The following GPC6 variants were observed in gnomAD, a reference collection of about 807,000 sequenced individuals.
GPC6 encodes glypican 6.
GPC6 carries 14 observed loss-of-function variants against 55.2 expected under a neutral mutation model. That is an observed-to-expected ratio of 0.25 (90% CI 0.17 to 0.40). The LOEUF is 0.40. Ranked by LOEUF, GPC6 falls within the 10% of genes least tolerant of loss-of-function variation. The probability of loss-of-function intolerance (pLI) is 1.00; values close to 1 mark genes in which losing one functional copy is unlikely to be tolerated. For missense variants in GPC6, 641 were observed against 708.5 expected (o/e 0.90, Z 1.08); for synonymous variants, 278 against 259.6 (o/e 1.07, Z -0.68).
intron 1 of GPC6, among the ~76,000 whole-genome samples, chr13:93,260,647 C>T (rs1328370): frequency 0.17 from 25,143 of 151,896 alleles, 2,273 homozygotes; most frequent in Middle Eastern, 0.25. Context: ...GAAGCATTAT[C>T]CTAGATGGGA....
At chr13:93,882,347 A>T (rs992431122) in intron 3 of GPC6, among the ~76,000 whole-genome samples, 2 of 151,698 alleles carry the variant, frequency 1.3e-5, no homozygotes, top group African/African-American at 2.4e-5. Context: ...GGGTTTCTCC[A>T]TGTTGCCCAG....
At chr13:93,530,631 A>G (rs1000910747) in intron 1 of GPC6, among the ~76,000 whole-genome samples, 13 of 152,302 alleles carry the variant, frequency 8.5e-5, no homozygotes, top group African/African-American at 2.9e-4. Flanking sequence ...TTAAAATTTC[A>G]GGAATTTTTG....
chr13:93,671,389 C>T (rs1290698582), intron 2 of GPC6, among the ~76,000 whole-genome samples: 1 of 152,042 alleles, frequency 6.6e-6, no homozygotes, highest in African/African-American at 2.4e-5. Context: ...TGACCCCTGC[C>T]TTCTGGTTCA....
chr13:94,013,561 G>T (rs1882336915), intron 3 of GPC6, among the ~76,000 whole-genome samples: 1 of 152,142 alleles, frequency 6.6e-6, no homozygotes, highest in Non-Finnish European at 1.5e-5. Flanking sequence ...TGTTGGTCAG[G>T]CTGGTCTCGA....
At chr13:94,034,709 TTAA>T (rs1165843535) in intron 4 of GPC6, among the ~76,000 whole-genome samples, 1 of 152,064 alleles carries the variant, frequency 6.6e-6, no homozygotes, top group East Asian at 1.9e-4. Context: ...TTCTATGCAA[TTAA>T]TAATAGTAAT....
At position 94,133,267 on chromosome 13, in the gene GPC6, C is replaced by CAAA. The variant is rs66499161; in HGVS notation, c.877+105396_877+105398dup. ...CCACCATACAGGTACTGACCAGTGA[C>CAAA]AAAAAAAAAAAAAAAAAAAAAAAAA... On this transcript the variant is annotated intron_variant, in intron 4 of 8. Coordinates refer to ENST00000377047, the MANE Select transcript of GPC6 (RefSeq NM_005708.5). 7.6e-4 allele frequency among the ~76,000 whole-genome samples: 65 copies of CAAA among 85,076 alleles called. 1 individual carries two copies. Among genetic ancestry groups the CAAA allele is most frequent in the African/African-American group, 2.3e-3 (47 of 20,068 alleles). 55.8% of individuals were successfully genotyped at this position (85,076 alleles called of 152,430 possible). A position where few individuals can be genotyped will look rare whatever the true frequency, so the allele number is the denominator to read the frequency against.
At chr13:94,279,627 A>G (rs191162911) in intron 4 of GPC6, among the ~76,000 whole-genome samples, 249 of 152,144 alleles carry the variant, frequency 1.6e-3, no homozygotes, top group Non-Finnish European at 3.1e-3. Flanking sequence ...TGTCCCAGAG[A>G]TTCTCGTATG....
chr13:93,657,786 G>A (rs1880744691), intron 2 of GPC6, among the ~76,000 whole-genome samples: 1 of 151,456 alleles, frequency 6.6e-6, no homozygotes, highest in African/African-American at 2.4e-5. Flanking sequence ...TAAAAAAATG[G>A]GCAAAGAACA....
At chr13:94,271,095 A>G (rs969156162) in intron 4 of GPC6, among the ~76,000 whole-genome samples, 2 of 140,612 alleles carry the variant, frequency 1.4e-5, no homozygotes, top group South Asian at 2.3e-4. Context: ...GGTTCATGCC[A>G]TTCTCCTGCC....
At chr13:93,509,298 T>C (rs1473509445) in intron 1 of GPC6, among the ~76,000 whole-genome samples, 2 of 152,220 alleles carry the variant, frequency 1.3e-5, no homozygotes, top group Non-Finnish European at 2.9e-5. Context: ...CAAAATGAAT[T>C]ACATTCTCCA....
At chr13:93,721,782 A>C (rs903880285) in intron 2 of GPC6, among the ~76,000 whole-genome samples, 1 of 151,824 alleles carries the variant, frequency 6.6e-6, no homozygotes, top group Admixed American at 6.6e-5. Context: ...TTAATAGTAT[A>C]CATGTATGTC....
chr13:93,678,378 C>T (rs575653944), intron 2 of GPC6, among the ~76,000 whole-genome samples: 4 of 152,272 alleles, frequency 2.6e-5, no homozygotes, highest in African/African-American at 9.6e-5. Context: ...CTATGATACA[C>T]AATGTTGTAT....
At chr13:93,643,502 A>G (rs1880047513) in intron 2 of GPC6, among the ~76,000 whole-genome samples, 2 of 152,150 alleles carry the variant, frequency 1.3e-5, no homozygotes, top group Non-Finnish European at 2.9e-5. Context: ...AGAGGTAGGC[A>G]GGTGTGGAAG....
intron 2 of GPC6, among the ~76,000 whole-genome samples, chr13:93,816,912 T>A (rs1184377922): frequency 6.6e-6 from 1 of 152,202 alleles, no homozygotes; most frequent in Non-Finnish European, 1.5e-5. Context: ...AAAAGTGGAT[T>A]TCATTTGAAT....
chr13:94,132,059 T>C lies in GPC6; in HGVS notation c.877+104165T>C, dbSNP rs183705895. On this transcript the variant is annotated intron_variant, in intron 4 of 8. Transcript: ENST00000377047. ...ACCTTGGAACCCTCCCTGGCTCCAT[T>C]TCCTGTCACACATCTGGAGAACACT... Among the ~76,000 whole-genome samples the C allele has an allele frequency of 9.9e-4, 151 of 152,184 alleles. 2 individuals carry two copies. Among genetic ancestry groups the C allele is most frequent in the African/African-American group, 3.3e-3 (137 of 41,532 alleles).
intron 3 of GPC6, among the ~76,000 whole-genome samples, chr13:93,973,099 G>A (rs992426639): frequency 3.3e-5 from 5 of 152,086 alleles, no homozygotes; most frequent in African/African-American, 9.7e-5. Flanking sequence ...GTGTCATTAG[G>A]TGATTTTGTC....
At chr13:94,366,788 A>T (rs1464026751) in intron 6 of GPC6, among the ~76,000 whole-genome samples, 1 of 152,226 alleles carries the variant, frequency 6.6e-6, no homozygotes, top group Non-Finnish European at 1.5e-5. Flanking sequence ...CAAAGCAGAG[A>T]GCGAGAGAGC....
chr13:93,510,750 G>C (rs1047154174), intron 1 of GPC6, among the ~76,000 whole-genome samples: 1 of 150,914 alleles, frequency 6.6e-6, no homozygotes, highest in African/African-American at 2.4e-5. Context: ...TTCTACTAGC[G>C]TGTTACCACT....
At chr13:94,360,099 G>A (rs1878987211) in intron 6 of GPC6, among the ~76,000 whole-genome samples, 1 of 152,202 alleles carries the variant, frequency 6.6e-6, no homozygotes, top group Non-Finnish European at 1.5e-5. Flanking sequence ...CTTTGTCATG[G>A]AAACCCAGGG....
Sources: allele counts gnomAD v4.1 joint callset (sites outside exome capture counted in the v4.1 genomes callset), GRCh38; gene constraint gnomAD v4.1.1; transcripts MANE v1.5; gene names NCBI Gene and HGNC (gene_info 2026-07-23, HGNC 2026-07-21).